ATP8B1: variants seen among roughly 807,000 people sequenced by gnomAD.
ATP8B1 encodes ATPase phospholipid transporting 8B1.
A neutral mutation model predicts 149.9 loss-of-function variants in ATP8B1; 80 were observed. The ratio of observed to expected loss-of-function variants is 0.53; its 90% CI spans 0.45 to 0.64. The LOEUF is 0.64. Ranked by LOEUF, ATP8B1 falls within the 30% of genes least tolerant of loss-of-function variation. The pLI is 0.00. For synonymous variants in ATP8B1, 536 were observed against 562.8 expected (o/e 0.95, Z 0.67); for missense variants, 1,247 against 1,552.6 (o/e 0.80, Z 3.31).
intron 16 of ATP8B1, among the ~76,000 whole-genome samples, chr18:57,671,975 C>T (rs1042886477): frequency 6.6e-6 from 1 of 152,160 alleles, no homozygotes; most frequent in Admixed American, 6.6e-5. Flanking sequence ...TGAAATGTTA[C>T]TATCTCATAA....
At chr18:57,674,799 G>A in intron 16 of ATP8B1, 35 bp downstream of exon 16, 2 of 1,607,474 alleles carry the variant, frequency 1.2e-6, no homozygotes, top group Non-Finnish European at 1.7e-6. Context: ...ACATCTAAAT[G>A]AGCGATTCAT....
rs112868885 is a variant in ATP8B1, at chr18:57,652,074, A to T, written c.3360T>A (p.Ala1120=). The change falls in exon 26 of 28, where the codon GCT becomes GCA. Residue 1120 remains alanine (A), a synonymous_variant. Transcript: ENST00000648908. The stretch of plus-strand genomic sequence containing the variant: ...CAGATGGAAAGAGAACATGTATTCC[A>T]GCACTATGAAAGTCAAACATGATGC... ...YFGIMFDFHS[A]GIHVLFPSAF... The T allele has an allele frequency of 6.2e-7, 1 of 1,614,104 alleles. No homozygotes were observed. The highest frequency in any genetic ancestry group is 8.5e-7 in the Non-Finnish European group (1 of 1,179,968).
intron 12 of ATP8B1, chr18:57,688,793 C>T (rs540939296): frequency 1.6e-5 from 7 of 430,258 alleles, no homozygotes; most frequent in South Asian, 6.8e-5. Flanking sequence ...TTCTGCCATG[C>T]GAGGACATAG....
chr18:57,801,058 C>G (rs996079618), intron 1 of ATP8B1, among the ~76,000 whole-genome samples: 4 of 152,066 alleles, frequency 2.6e-5, no homozygotes, highest in African/African-American at 4.8e-5. Flanking sequence ...GAACAAAAAA[C>G]AAAACAAAAC....
intron 1 of ATP8B1, among the ~76,000 whole-genome samples, chr18:57,795,412 T>A (rs982836487): frequency 2.6e-5 from 4 of 151,910 alleles, no homozygotes; most frequent in Non-Finnish European, 5.9e-5. Context: ...TAAAAAAAAT[T>A]TTTTTAATTG....
intron 1 of ATP8B1, among the ~76,000 whole-genome samples, chr18:57,742,532 C>T (rs2079925572): frequency 6.6e-6 from 1 of 152,112 alleles, no homozygotes; most frequent in Admixed American, 6.6e-5. Context: ...AGCCCTTTCT[C>T]ACAAAGGAAG....
chr18:57,678,742 TA>T lies in ATP8B1; in HGVS notation c.1631-3721del, dbSNP rs1157992138. 7.8e-5 allele frequency among the ~76,000 whole-genome samples: 4 copies of T among 51,286 alleles called. 2 individuals are homozygous for T. In the East Asian group the frequency reaches 2.2e-3, roughly 29 times the overall value. 33.6% of individuals were successfully genotyped at this position (51,286 alleles called of 152,430 possible). ...TAACATGGTGAAACCCTGTCTCTAC[TA>T]AAAATACAAAAAAAATTAGCCAGGC... On this transcript the variant is annotated intron_variant, in intron 15 of 27. Transcript: ENST00000648908.
intron 13 of ATP8B1, among the ~76,000 whole-genome samples, chr18:57,685,570 A>G (rs1568195515): frequency 6.6e-6 from 1 of 152,038 alleles, no homozygotes; most frequent in African/African-American, 2.4e-5. Flanking sequence ...ATTAGCCTTA[A>G]TATTATCTCT....
chr18:57,750,332 C>T (rs1358708101), intron 1 of ATP8B1, among the ~76,000 whole-genome samples: 1 of 152,168 alleles, frequency 6.6e-6, no homozygotes, highest in Non-Finnish European at 1.5e-5. Context: ...CTGCACAACT[C>T]AAAGAAAATT....
At chr18:57,716,339 G>A (rs1346410593) in intron 2 of ATP8B1, among the ~76,000 whole-genome samples, 4 of 151,858 alleles carry the variant, frequency 2.6e-5, no homozygotes, top group African/African-American at 9.7e-5. Flanking sequence ...GCAAGAGTAA[G>A]TCCTTACTTA....
chr18:57,693,923 G>A (rs1434123503), intron 11 of ATP8B1, among the ~76,000 whole-genome samples: 3 of 152,128 alleles, frequency 2.0e-5, no homozygotes. Context: ...TGCCTATTGT[G>A]TGTGTGGTTT....
At chr18:57,679,457 T>C (rs943139848) in intron 15 of ATP8B1, among the ~76,000 whole-genome samples, 2 of 152,114 alleles carry the variant, frequency 1.3e-5, no homozygotes, top group African/African-American at 2.4e-5. Flanking sequence ...TCTTTATTTA[T>C]GGCACATTTA....
intron 2 of ATP8B1, among the ~76,000 whole-genome samples, chr18:57,727,446 C>T (rs1599161022): frequency 2.0e-5 from 3 of 152,214 alleles, no homozygotes; most frequent in East Asian, 1.9e-4. Context: ...AATATTAATT[C>T]ATAGATGCGC....
chr18:57,797,486 G>A (rs572456981), intron 1 of ATP8B1, among the ~76,000 whole-genome samples: 37 of 152,282 alleles, frequency 2.4e-4, no homozygotes, highest in African/African-American at 8.4e-4. Context: ...CAGACTGAGA[G>A]CTGGTTTCCC....
chr18:57,728,578 C>T (rs1340188652), intron 2 of ATP8B1, among the ~76,000 whole-genome samples: 1 of 151,838 alleles, frequency 6.6e-6, no homozygotes, highest in African/African-American at 2.4e-5. Flanking sequence ...TTGGGAAGGG[C>T]GCAGAGAGGT....
intron 15 of ATP8B1, among the ~76,000 whole-genome samples, chr18:57,681,252 C>G (rs934045016): frequency 3.5e-5 from 5 of 144,046 alleles, no homozygotes; most frequent in African/African-American, 9.8e-5. Flanking sequence ...GAGGGCAACC[C>G]AGTTGATAAA....
intron 11 of ATP8B1, among the ~76,000 whole-genome samples, chr18:57,693,536 C>T (rs1463948217): frequency 1.3e-5 from 2 of 151,896 alleles, no homozygotes; most frequent in African/African-American, 2.4e-5. Flanking sequence ...GGTGAAACCC[C>T]GTCTCTACTA....
rs55767055 is a variant in ATP8B1, at chr18:57,671,747, C to T, written c.1820-167G>A. ...AAGCAATCCTCCCATCTCAGCCTCC[C>T]GAGTAGCTGGGACTACAGGTGCATG... On this transcript the variant is annotated intron_variant, in intron 16 of 27. Transcript: ENST00000648908. Among the ~76,000 whole-genome samples, 1,053 of 152,206 alleles carry T rather than the reference C, an allele frequency of 6.9e-3. 15 individuals are homozygous for T. The highest frequency in any genetic ancestry group is 0.017 in the Middle Eastern group (5 of 294).
At chr18:57,680,694 T>G (rs1911920275) in intron 15 of ATP8B1, among the ~76,000 whole-genome samples, 2 of 54,614 alleles carry the variant, frequency 3.7e-5, no homozygotes. Context: ...CTCACCCCCT[T>G]TAAATGATTT....
Sources: gnomAD v4.1 joint callset for allele counts (sites outside exome capture counted in the v4.1 genomes callset) on GRCh38, gnomAD v4.1.1 for gene constraint, MANE v1.5 for transcripts, NCBI Gene and HGNC (gene_info 2026-07-23, HGNC 2026-07-21) for gene names.